Variants in SSH2 observed in about 807,000 individuals in gnomAD.
The protein encoded by SSH2 is slingshot protein phosphatase 2, also known as protein phosphatase Slingshot homolog 2.
In SSH2, 37 loss-of-function variants were observed where a neutral mutation model predicts 135.2. The observed-to-expected ratio is 0.27, with a 90% confidence interval of 0.21 to 0.36. The LOEUF is 0.36. SSH2 is among the 10% of genes least tolerant of loss of function. The probability of loss-of-function intolerance (pLI) is 1.00; values close to 1 mark genes in which losing one functional copy is unlikely to be tolerated. For synonymous variants in SSH2, 628 were observed against 646.2 expected, an observed-to-expected ratio of 0.97 and a Z score of 0.43; for missense variants, 1,408 against 1,765.3, an observed-to-expected ratio of 0.80 and a Z score of 3.63.
At chr17:29,643,361 G>C (rs532634035) in intron 14 of SSH2, 12 of 769,126 alleles carry the variant, frequency 1.6e-5, no homozygotes, top group Non-Finnish European at 1.9e-5. Context: ...ACTGTCCCAT[G>C]GGTTCAGGAA....
At chr17:29,924,447 T>C (rs919075901) in intron 1 of SSH2, among the ~76,000 whole-genome samples, 15 of 152,214 alleles carry the variant, frequency 9.9e-5, no homozygotes, top group Admixed American at 4.6e-4. Flanking sequence ...TCTAAAAATA[T>C]ACCACACTCA....
intron 2 of SSH2, among the ~76,000 whole-genome samples, chr17:29,824,486 T>A (rs976260691): frequency 4.6e-5 from 7 of 152,146 alleles, no homozygotes; most frequent in African/African-American, 1.7e-4. Flanking sequence ...AAGCTTCCCC[T>A]CTCATTTCAC....
chr17:29,792,017 G>T (rs2042076664), intron 3 of SSH2, among the ~76,000 whole-genome samples: 1 of 150,862 alleles, frequency 6.6e-6, no homozygotes, highest in Non-Finnish European at 1.5e-5. Context: ...CCACCTCCTG[G>T]GTTCAAGTGA....
chr17:29,691,178 C>CA (rs1220645738), intron 5 of SSH2, among the ~76,000 whole-genome samples: 1 of 151,756 alleles, frequency 6.6e-6, no homozygotes, highest in Non-Finnish European at 1.5e-5. Flanking sequence ...TGATGAAAAC[C>CA]AAAATCATAA....
At chr17:29,897,782 T>C (rs1229004569) in intron 1 of SSH2, among the ~76,000 whole-genome samples, 2 of 152,174 alleles carry the variant, frequency 1.3e-5, no homozygotes, top group African/African-American at 4.8e-5. Flanking sequence ...GTGGACCTAA[T>C]AGACATCTAC....
chr17:29,928,705 C>T (rs982957708), intron 1 of SSH2: 2 of 395,340 alleles, frequency 5.1e-6, no homozygotes, highest in African/African-American at 4.1e-5. Flanking sequence ...CCATACACAA[C>T]AAAACTTTGA....
chr17:29,876,933 C>T (rs2066044628), intron 1 of SSH2, among the ~76,000 whole-genome samples: 1 of 151,878 alleles, frequency 6.6e-6, no homozygotes, highest in Non-Finnish European at 1.5e-5. Flanking sequence ...GAAGAGACAA[C>T]CCACAAAATG....
At chr17:29,809,197 T>C (rs1385869395) in intron 2 of SSH2, among the ~76,000 whole-genome samples, 9 of 152,164 alleles carry the variant, frequency 5.9e-5, no homozygotes, top group Admixed American at 5.9e-4. Context: ...GAGGTTGCAG[T>C]CAGCTGAGAT....
rs773394913 is a variant in SSH2, at chr17:29,761,408, A to G, written c.188+32486T>C. On this transcript the variant is annotated intron_variant, in intron 3 of 15. Transcript: ENST00000540801. ...GCGCGGAGGCAGCCGCCGAAGCCCCAGGGCTCGGCGGTAGAGTCCGGACTG... is the reference window on the plus strand; with the variant it reads ...GCGCGGAGGCAGCCGCCGAAGCCCCGGGGCTCGGCGGTAGAGTCCGGACTG... 6.6e-3 allele frequency: 6,974 copies of G among 1,058,776 alleles called. 33 individuals carry two copies. The highest frequency in any genetic ancestry group is 0.012 in the Middle Eastern group (25 of 2,160). The allele number at this position is 1,058,776 out of a possible 1,614,324, so 65.6% of individuals were successfully genotyped here.
intron 3 of SSH2, among the ~76,000 whole-genome samples, chr17:29,770,894 T>C (rs969427235): frequency 7.9e-5 from 12 of 152,232 alleles, no homozygotes; most frequent in Non-Finnish European, 4.4e-5. Context: ...CTTTCAATAA[T>C]CAGAAACTCT....
chr17:29,810,047 C>T (rs2042414573), intron 2 of SSH2, among the ~76,000 whole-genome samples: 1 of 152,124 alleles, frequency 6.6e-6, no homozygotes, highest in Non-Finnish European at 1.5e-5. Flanking sequence ...GGAACTGTCT[C>T]TTGATCACTG....
rs2040926027 is a variant in SSH2, at chr17:29,751,116, A to C, written c.188+42778T>G. 5.3e-5 allele frequency among the ~76,000 whole-genome samples: 8 copies of C among 151,664 alleles called. No homozygotes were observed. In the South Asian group the frequency reaches 1.7e-3, roughly 31 times the overall value. ...GCTTTACAGTTAATATTTTCTTCAA[A>C]GTAGAGAGTACACTGTAGGCCAGGC... On this transcript the variant is annotated intron_variant, in intron 3 of 15. Transcript: ENST00000540801.
At chr17:29,920,107 T>C (rs2066949804) in intron 1 of SSH2, among the ~76,000 whole-genome samples, 1 of 152,100 alleles carries the variant, frequency 6.6e-6, no homozygotes, top group Non-Finnish European at 1.5e-5. Flanking sequence ...GGTTTCTCCA[T>C]GTTGGTCAGG....
intron 1 of SSH2, among the ~76,000 whole-genome samples, chr17:29,882,852 C>T (rs868505400): frequency 1.4e-4 from 22 of 152,190 alleles, no homozygotes; most frequent in South Asian, 1.2e-3. Context: ...TCTGTAGAGA[C>T]GGGGTATCAC....
At chr17:29,838,640 C>T (rs533560972) in intron 2 of SSH2, among the ~76,000 whole-genome samples, 9 of 152,244 alleles carry the variant, frequency 5.9e-5, no homozygotes, top group African/African-American at 2.2e-4. Flanking sequence ...AGAGGAGTTA[C>T]CCTCTCTGTT....
chr17:29,672,123 T>C lies in SSH2; in HGVS notation c.621A>G (p.Ala207=). 1.2e-6 allele frequency: 2 copies of C among 1,613,314 alleles called. No individual in the cohort carries two copies. Among genetic ancestry groups the C allele is most frequent in the Non-Finnish European group, 1.7e-6 (2 of 1,179,542 alleles). ...KPVSVQAMWS[A]LQSLHKACEV... is the part of the protein sequence containing the mutation. ...CACAAGCCTTGTGTAAGCTCTGTAG[T>C]GCAGACCTGAAAGACATGCTGGGAA... The change falls in exon 9 of 16, where the codon GCA becomes GCG. Residue 207 remains alanine, a synonymous_variant. Coordinates refer to ENST00000540801, the MANE Select transcript of SSH2 (RefSeq NM_001282129.2).
intron 11 of SSH2, among the ~76,000 whole-genome samples, chr17:29,659,674 C>A (rs2151018789): frequency 6.6e-6 from 1 of 152,244 alleles, no homozygotes; most frequent in South Asian, 2.1e-4. Context: ...CAGGCGCATG[C>A]CACCATGCCC....
intron 2 of SSH2, chr17:29,839,258 C>T (rs1398643683): frequency 2.0e-5 from 3 of 152,510 alleles, no homozygotes; most frequent in Non-Finnish European, 4.4e-5. Flanking sequence ...CCCCTCGCCA[C>T]CCCATGCCTG....
chr17:29,930,118 G>A lies in SSH2; in HGVS notation c.-118C>T. ...GGGTGGGGGTGAAGGGAACGGGGAG[G>A]AGGAGGAGGCCGCGGGAACGGCCGC... is the stretch of plus-strand genomic sequence containing the variant. On this transcript the variant is annotated 5_prime_UTR_variant, in exon 1 of 16. Transcript: ENST00000540801. 1 of 953,608 alleles carries A rather than the reference G, an allele frequency of 1.0e-6. No individual in the cohort carries two copies. The highest frequency in any genetic ancestry group is 1.6e-6 in the Non-Finnish European group (1 of 641,852). 59.1% of individuals were successfully genotyped at this position (953,608 alleles called of 1,614,324 possible). A position where few individuals can be genotyped will look rare whatever the true frequency, so the allele number is the denominator to read the frequency against.
Sources: allele counts gnomAD v4.1 joint callset (sites outside exome capture counted in the v4.1 genomes callset), GRCh38; gene constraint gnomAD v4.1.1; transcripts MANE v1.5; gene names NCBI Gene and HGNC (gene_info 2026-07-23, HGNC 2026-07-21).